Variants in MYH14 observed in about 807,000 individuals in gnomAD.
MYH14 encodes the protein myosin heavy chain 14, also known as myosin-14.
Under a neutral mutation model 255.5 loss-of-function variants are expected in MYH14, and 123 were observed. The ratio of observed to expected loss-of-function variants is 0.48; its 90% CI spans 0.42 to 0.56. The LOEUF (loss-of-function observed/expected upper bound fraction) is 0.56. Ranked by LOEUF, MYH14 falls within the 20% of genes least tolerant of loss-of-function variation. The pLI is 0.00. For synonymous variants in MYH14, 1,095 were observed against 1,161.2 expected (o/e 0.94, Z 1.16); for missense variants, 2,423 against 2,802.3 (o/e 0.86, Z 3.06).
chr19:50,232,107 A>T (rs752669017), intron 10 of MYH14, 37 bp downstream of exon 10: 82 of 1,604,436 alleles, frequency 5.1e-5, no homozygotes, highest in Non-Finnish European at 5.9e-5. Flanking sequence ...GTAGGGGGGA[A>T]CCCCACGGAG....
At position 50,310,173 on chromosome 19, in the gene MYH14, C is replaced by G; in HGVS notation, c.*383C>G. The G allele has an allele frequency of 5.6e-6, 1 of 179,092 alleles. No homozygotes were observed. The allele number at this position is 179,092 out of a possible 1,614,324, so 11.1% of individuals were successfully genotyped here. On this transcript the variant is annotated 3_prime_UTR_variant, in exon 43 of 43. Coordinates refer to ENST00000642316, the MANE Select transcript of MYH14 (RefSeq NM_001145809.2). ...CCAGTGCAACCCATTCCCTCTGCTT[C>G]TCTCTCTCTCTCTCTCTCTCCCTCC...
At chr19:50,269,879 G>C (rs1287401180) in intron 24 of MYH14, among the ~76,000 whole-genome samples, 1 of 152,152 alleles carries the variant, frequency 6.6e-6, no homozygotes, top group African/African-American at 2.4e-5. Context: ...GAGGACTTCT[G>C]TTTAGGCCAT....
intron 15 of MYH14, among the ~76,000 whole-genome samples, chr19:50,251,502 CACA>C (rs2034376588): frequency 8.1e-6 from 1 of 123,276 alleles, no homozygotes; most frequent in African/African-American, 3.0e-5. Flanking sequence ...TATATATACA[CACA>C]TATATATATA....
At chr19:50,268,132 T>C (rs1454523596) in intron 23 of MYH14, 29 bp from the exon 24 acceptor site, 8 of 1,531,346 alleles carry the variant, frequency 5.2e-6, no homozygotes, top group Non-Finnish European at 7.0e-6. Flanking sequence ...CACTGCCTGC[T>C]GACCACTAAC....
chr19:50,276,823 G>T lies in MYH14; in HGVS notation c.3747G>T (p.Glu1249Asp). Residue 1249 changes from glutamate to aspartate, a missense_variant, in exon 29 of 43, where the codon GAG becomes GAT. Physicochemically the swap from Glu to Asp is conservative, Grantham distance 45. This residue lies in a region of MYH14 where 1,513 missense variants were observed against 1,674.8 expected (regional missense o/e 0.90). Transcript: ENST00000642316. This position sits in a 1 kb window ranked among gnomAD's most constrained non-coding sequence, Gnocchi z 4.3. Reference sequence around the variant, plus strand: ...TGGAGGAGGAGACTCGCATCCACGAGGCGGCAGTGCAGGAGCTGAGGCAGC... The same window carrying T: ...TGGAGGAGGAGACTCGCATCCACGATGCGGCAGTGCAGGAGCTGAGGCAGC... ...KTLEEETRIH[E>D]AAVQELRQRH... The T allele has an allele frequency of 6.2e-7, 1 of 1,613,132 alleles. No homozygotes were observed. The highest frequency in any genetic ancestry group is 8.5e-7 in the Non-Finnish European group (1 of 1,179,890).
At chr19:50,291,341 A>T (rs1314863540) in intron 36 of MYH14, among the ~76,000 whole-genome samples, 3 of 149,136 alleles carry the variant, frequency 2.0e-5, no homozygotes, top group Non-Finnish European at 4.4e-5. Flanking sequence ...TCATTCTGTC[A>T]CCCAGGCTGG....
Position 50,210,404 on chromosome 19 carries a change from G to A in MYH14, c.39G>A (p.Ala13=), listed in dbSNP as rs376427246. Reference sequence around the variant, plus strand: ...CCATGTCGGTGCCCGGGCGGAAGGCGCCCCCCAGGCCGGGCCCAGTGCCCG... The same window carrying A: ...CCATGTCGGTGCCCGGGCGGAAGGCACCCCCCAGGCCGGGCCCAGTGCCCG... ...AVTMSVPGRK[A]PPRPGPVPEA... The change falls in exon 2 of 43, where the codon GCG becomes GCA. Residue 13 remains alanine, a synonymous_variant. Transcript: ENST00000642316. 1.9e-5 allele frequency: 30 copies of A among 1,572,776 alleles called. No individual in the cohort carries two copies. The South Asian group carries it at 2.8e-4, about 15-fold the overall frequency.
At chr19:50,209,313 C>A (rs80070963) in intron 1 of MYH14, among the ~76,000 whole-genome samples, 1 of 152,048 alleles carries the variant, frequency 6.6e-6, no homozygotes, top group South Asian at 2.1e-4. Flanking sequence ...TGGAGGCAGG[C>A]GTCTTCTTCC....
At chr19:50,231,876 G>C in intron 9 of MYH14, 54 bp from the exon 10 acceptor site, 1 of 1,606,812 alleles carries the variant, frequency 6.2e-7, no homozygotes, top group Non-Finnish European at 8.5e-7. Context: ...AATCCAGGAT[G>C]AGTCTGACTG....
At chr19:50,279,084 T>C (rs1028119269) in intron 30 of MYH14, among the ~76,000 whole-genome samples, 18 of 152,202 alleles carry the variant, frequency 1.2e-4, no homozygotes, top group Admixed American at 6.5e-4. Context: ...TAATCTAATT[T>C]TGGACCATTT....
At chr19:50,279,699 C>G (rs902500631) in intron 30 of MYH14, among the ~76,000 whole-genome samples, 1 of 152,226 alleles carries the variant, frequency 6.6e-6, no homozygotes, top group African/African-American at 2.4e-5. Flanking sequence ...GAATAATGCC[C>G]GTTGTATGGA....
rs1236367858 is a variant in MYH14, at chr19:50,206,324, G to C, written c.-4+2653G>C. Among the ~76,000 whole-genome samples the C allele has an allele frequency of 2.6e-5, 4 of 151,548 alleles. No individual in the cohort carries two copies. In the East Asian group the frequency reaches 5.9e-4, roughly 22 times the overall value. ...GGGGGCTTGGACTCTTGGCTCCAGG[G>C]AGGAGAGGCATAGGGCATAGGGTGA... On this transcript the variant is annotated intron_variant, in intron 1 of 42. Transcript: ENST00000642316.
rs763438173 is a variant in MYH14 at position 50,309,598 on chromosome 19, C to T, written c.5961-42C>T. The T allele has an allele frequency of 1.0e-5, 14 of 1,395,038 alleles. No homozygotes were observed. The African/African-American group carries it at 2.0e-4, about 20-fold the overall frequency. 86.4% of individuals were successfully genotyped at this position (1,395,038 alleles called of 1,614,324 possible). Reference sequence around the variant, plus strand: ...CTCCCCCTTTCTCCTCCCCTCCCCTCCCCTCATTTCATCTCTGTATCCTGG... The same window carrying T: ...CTCCCCCTTTCTCCTCCCCTCCCCTTCCCTCATTTCATCTCTGTATCCTGG... On this transcript the variant is annotated intron_variant, in intron 42 of 42. Coordinates refer to ENST00000642316, the MANE Select transcript of MYH14 (RefSeq NM_001145809.2).
chr19:50,251,340 C>G (rs2034361966), intron 15 of MYH14, among the ~76,000 whole-genome samples: 1 of 152,058 alleles, frequency 6.6e-6, no homozygotes. Flanking sequence ...TAAGTATCTT[C>G]AAGCCCCCAG....
chr19:50,290,911 G>A lies in MYH14; in HGVS notation c.4990G>A (p.Asp1664Asn). Residue 1664 changes from aspartate to asparagine, a missense_variant, in exon 36 of 43, where the codon GAT (aspartate) becomes AAT (asparagine). This residue lies in a region of MYH14 where 1,513 missense variants were observed against 1,674.8 expected (regional missense o/e 0.90). Coordinates refer to ENST00000642316, the MANE Select transcript of MYH14 (RefSeq NM_001145809.2). ...GCTGAGAGATGCAGAGGTGGAGCGG[G>A]ATGAGGAGCGGAAGCAGCGCACTCT... is the stretch of plus-strand genomic sequence containing the variant. ...KQLRDAEVER[D>N]EERKQRTLAV... 2 of 1,570,706 alleles carry A rather than the reference G, an allele frequency of 1.3e-6. No individual in the cohort carries two copies. The highest frequency in any genetic ancestry group is 1.7e-6 in the Non-Finnish European group (2 of 1,158,700).
intron 1 of MYH14, among the ~76,000 whole-genome samples, chr19:50,204,212 C>T (rs1460933013): frequency 6.6e-6 from 1 of 152,032 alleles, no homozygotes; most frequent in Non-Finnish European, 1.5e-5. Context: ...ACCCATTATA[C>T]AGAGAGGGGA....
chr19:50,240,338 G>A (rs961843635), intron 10 of MYH14, among the ~76,000 whole-genome samples: 9 of 152,164 alleles, frequency 5.9e-5, no homozygotes, highest in African/African-American at 9.7e-5. Flanking sequence ...CAGCACTTTG[G>A]GAGGCTGAGT....
chr19:50,241,945 C>CCAA (rs1568489677), intron 10 of MYH14, among the ~76,000 whole-genome samples: 1 of 152,184 alleles, frequency 6.6e-6, no homozygotes, highest in African/African-American at 2.4e-5. Flanking sequence ...ACCACCACCA[C>CCAA]CACACCGCAC....
chr19:50,245,379 C>T (rs763006419), intron 11 of MYH14, among the ~76,000 whole-genome samples: 34 of 145,000 alleles, frequency 2.3e-4, no homozygotes, highest in Admixed American at 7.9e-4. Context: ...GAGATTGTGC[C>T]GCTGCACTCC....
Sources: gnomAD v4.1 joint callset for allele counts (sites outside exome capture counted in the v4.1 genomes callset) on GRCh38, gnomAD v4.1.1 for gene constraint, gnomAD v4.1.1 regional missense constraint, Gnocchi (gnomAD v3.1) non-coding constraint, MANE v1.5 for transcripts, NCBI Gene and HGNC (gene_info 2026-07-23, HGNC 2026-07-21) for gene names.